STARD13: variants seen among roughly 807,000 people sequenced by gnomAD.
STARD13 encodes the protein StAR related lipid transfer domain containing 13.
In STARD13, 62 loss-of-function variants were observed where a neutral mutation model predicts 106.4. The ratio of observed to expected loss-of-function variants is 0.58; its 90% confidence interval spans 0.48 to 0.72. STARD13 has a LOEUF of 0.72. Ranked by LOEUF, STARD13 falls within the 30% of genes least tolerant of loss-of-function variation. The pLI is 0.00. For synonymous variants in STARD13, 565 were observed against 553.0 expected (o/e 1.02, Z -0.31); for missense variants, 1,387 against 1,424.0 (o/e 0.97, Z 0.42).
the STARD13 span, among the ~76,000 whole-genome samples, chr13:33,604,513 G>A: frequency 6.6e-6 from 1 of 152,134 alleles, no homozygotes; most frequent in Admixed American, 6.5e-5. Context: ...AATGCTAAAA[G>A]AGGCCAGGTG....
chr13:33,272,705 C>T (rs1851764039), intron 1 of STARD13: 1 of 152,238 alleles, frequency 6.6e-6, no homozygotes, highest in Non-Finnish European at 1.5e-5. Flanking sequence ...AAGAACTTGT[C>T]TCAACTCAAC....
At chr13:33,352,812 G>T (rs1388977190), upstream of STARD13, among the ~76,000 whole-genome samples, 2 of 152,212 alleles carry the variant, frequency 1.3e-5, no homozygotes, top group African/African-American at 4.8e-5. Context: ...AGGAACCTCA[G>T]GGCTACTTGG....
chr13:33,208,359 G>T (rs996078569), intron 1 of STARD13, among the ~76,000 whole-genome samples: 1 of 152,160 alleles, frequency 6.6e-6, no homozygotes, highest in African/African-American at 2.4e-5. Context: ...CAAGTAGGGA[G>T]TGAGCTCTAA....
chr13:33,339,139 G>A (rs1285061208), intron 1 of STARD13, among the ~76,000 whole-genome samples: 1 of 152,148 alleles, frequency 6.6e-6, no homozygotes, highest in Non-Finnish European at 1.5e-5. Context: ...ACCCTCTAAG[G>A]TAAGTACTAT....
At position 33,167,002 on chromosome 13, in the gene STARD13, AC is replaced by A. The variant is rs1195929036; in HGVS notation, c.241+548del. Among the ~76,000 whole-genome samples, 957 of 136,596 alleles carry A rather than the reference AC, an allele frequency of 7.0e-3. 8 individuals carry two copies. Among genetic ancestry groups the A allele is most frequent in the East Asian group, 0.02 (97 of 4,864 alleles). The allele number at this position is 136,596 out of a possible 152,430, so 89.6% of individuals were successfully genotyped here. A position where few individuals can be genotyped will look rare whatever the true frequency, so the allele number is the denominator to read the frequency against. On this transcript the variant is annotated intron_variant, in intron 2 of 13. Coordinates refer to ENST00000336934, the MANE Select transcript of STARD13 (RefSeq NM_178006.4). The stretch of plus-strand genomic sequence containing the variant: ...GAGCCAGACTCTATCTCAAAAAAAA[AC>A]AAAAAAAAAACCAAAAAAAAATCAA...
intron 1 of STARD13, among the ~76,000 whole-genome samples, chr13:33,262,463 G>A (rs945395296): frequency 6.6e-6 from 1 of 152,202 alleles, no homozygotes; most frequent in African/African-American, 2.4e-5. Context: ...AGGGGATAAT[G>A]AGTGTTTCTT....
chr13:33,157,648 TGACA>T (rs906639033), intron 3 of STARD13, among the ~76,000 whole-genome samples: 1 of 152,130 alleles, frequency 6.6e-6, no homozygotes, highest in Non-Finnish European at 1.5e-5. Flanking sequence ...CCAGCCTGGG[TGACA>T]GAGTGAGACT....
chr13:33,162,864 C>A (rs531991637), intron 3 of STARD13, among the ~76,000 whole-genome samples: 12 of 152,272 alleles, frequency 7.9e-5, no homozygotes, highest in African/African-American at 2.9e-4. Context: ...CTGCCTGATA[C>A]CCAGTTCCAA....
the STARD13 span, among the ~76,000 whole-genome samples, chr13:33,649,691 G>C: frequency 6.6e-6 from 1 of 152,076 alleles, no homozygotes; most frequent in Non-Finnish European, 1.5e-5. Context: ...CTCTAAAATA[G>C]AGATGAGGGC....
the STARD13 span, among the ~76,000 whole-genome samples, chr13:33,443,625 C>A: frequency 1.3e-5 from 2 of 152,214 alleles, no homozygotes; most frequent in Admixed American, 1.3e-4. Context: ...GTGGCTCACG[C>A]CTGTAATCCC....
chr13:33,626,394 T>C, the STARD13 span, among the ~76,000 whole-genome samples: 1 of 152,228 alleles, frequency 6.6e-6, no homozygotes, highest in South Asian at 2.1e-4. Context: ...ATAGAAAAGA[T>C]AATAATGCAT....
At chr13:33,310,970 A>G (rs143290591) in intron 1 of STARD13, among the ~76,000 whole-genome samples, 4 of 152,224 alleles carry the variant, frequency 2.6e-5, no homozygotes, top group African/African-American at 9.6e-5. Flanking sequence ...ATCTAAGTCC[A>G]TCTAGACATA....
At chr13:33,173,763 C>T (rs1356771862) in intron 1 of STARD13, among the ~76,000 whole-genome samples, 1 of 152,172 alleles carries the variant, frequency 6.6e-6, no homozygotes, top group East Asian at 1.9e-4. Context: ...CCCACTTTAT[C>T]TATCCATAAT....
At chr13:33,301,373 C>T (rs1892700993) in intron 1 of STARD13, among the ~76,000 whole-genome samples, 1 of 152,164 alleles carries the variant, frequency 6.6e-6, no homozygotes, top group Non-Finnish European at 1.5e-5. Context: ...CCTGTCTTCT[C>T]TCTCTTCTTC....
At chr13:33,619,835 G>A in the STARD13 span, among the ~76,000 whole-genome samples, 2 of 152,108 alleles carry the variant, frequency 1.3e-5, no homozygotes, top group Admixed American at 6.5e-5. Context: ...GGCCGAGGTC[G>A]GCCAATCACT....
At chr13:33,175,595 G>A (rs996998285) in intron 1 of STARD13, among the ~76,000 whole-genome samples, 38 of 152,220 alleles carry the variant, frequency 2.5e-4, no homozygotes, top group African/African-American at 8.7e-4. Flanking sequence ...TCTCAGAGCC[G>A]AGCTCCAACT....
chr13:33,468,512 G>C, the STARD13 span, among the ~76,000 whole-genome samples: 1 of 152,162 alleles, frequency 6.6e-6, no homozygotes, highest in South Asian at 2.1e-4. Context: ...TATCATGGTA[G>C]TGTGTTTGTT....
At chr13:33,419,993 T>G in the STARD13 span, among the ~76,000 whole-genome samples, 1 of 152,216 alleles carries the variant, frequency 6.6e-6, no homozygotes, top group Non-Finnish European at 1.5e-5. Context: ...TACCAGCCAC[T>G]GCAAAAACAT....
chr13:33,517,931 T>A, the STARD13 span, among the ~76,000 whole-genome samples: 4 of 152,096 alleles, frequency 2.6e-5, no homozygotes, highest in Non-Finnish European at 4.4e-5. Flanking sequence ...GTCTACCTAC[T>A]GGCTGCTCCC....
Sources: allele counts gnomAD v4.1 joint callset (sites outside exome capture counted in the v4.1 genomes callset), GRCh38; gene constraint gnomAD v4.1.1; transcripts MANE v1.5; gene names NCBI Gene and HGNC (gene_info 2026-07-23, HGNC 2026-07-21).